NR3C1: variants seen among roughly 807,000 people sequenced by gnomAD.
NR3C1 encodes nuclear receptor subfamily 3 group C member 1.
Under a neutral mutation model 74.0 loss-of-function variants are expected in NR3C1, and 14 were observed. The ratio of observed to expected loss-of-function variants is 0.19; its 90% confidence interval spans 0.12 to 0.30. The LOEUF (loss-of-function observed/expected upper bound fraction) is 0.30. Ranked by LOEUF, NR3C1 falls within the 10% of genes least tolerant of loss-of-function variation. The pLI is 1.00. For missense variants in NR3C1, 695 were observed against 909.8 expected (o/e 0.76, Z 3.04); for synonymous variants, 308 against 332.5 (o/e 0.93, Z 0.80).
upstream of NR3C1, chr5:143,406,825 T>A (rs549983788): frequency 6.6e-6 from 1 of 152,358 alleles, no homozygotes; most frequent in South Asian, 2.1e-4. Flanking sequence ...ATAGACTACT[T>A]ACAATATGTG....
chr5:143,344,407 T>G (rs1017657313), intron 2 of NR3C1, among the ~76,000 whole-genome samples: 1 of 152,200 alleles, frequency 6.6e-6, no homozygotes, highest in African/African-American at 2.4e-5. Context: ...TTAATTCTAA[T>G]TCTTACAAAA....
intron 2 of NR3C1, among the ~76,000 whole-genome samples, chr5:143,394,757 T>C (rs1838886845): frequency 6.6e-6 from 1 of 152,028 alleles, no homozygotes; most frequent in Non-Finnish European, 1.5e-5. Flanking sequence ...GAAATTAAAT[T>C]GTAATTCTGA....
intron 2 of NR3C1, among the ~76,000 whole-genome samples, chr5:143,390,736 A>G (rs1199134835): frequency 6.6e-6 from 1 of 152,216 alleles, no homozygotes; most frequent in African/African-American, 2.4e-5. Flanking sequence ...ACAGAATTAA[A>G]CATTTTCTGT....
chr5:143,298,474 C>T (rs1258568578), intron 6 of NR3C1, among the ~76,000 whole-genome samples, 194 bp downstream of exon 6: 1 of 152,192 alleles, frequency 6.6e-6, no homozygotes, highest in Non-Finnish European at 1.5e-5. Flanking sequence ...GTAATAATGC[C>T]ACATGTACAT....
chr5:143,329,473 T>C (rs1346157278), intron 2 of NR3C1, among the ~76,000 whole-genome samples: 1 of 152,180 alleles, frequency 6.6e-6, no homozygotes, highest in East Asian at 1.9e-4. Context: ...TCAGAAATGT[T>C]AGAGAATTGG....
At chr5:143,353,857 T>C (rs147190691) in intron 2 of NR3C1, among the ~76,000 whole-genome samples, 3 of 152,338 alleles carry the variant, frequency 2.0e-5, no homozygotes, top group African/African-American at 4.8e-5. Context: ...CTAACAAGAA[T>C]GTCAGCCTGT....
intron 4 of NR3C1, among the ~76,000 whole-genome samples, chr5:143,305,321 T>C (rs1819350241): frequency 6.6e-6 from 1 of 152,132 alleles, no homozygotes; most frequent in Non-Finnish European, 1.5e-5. Context: ...GACACCACTG[T>C]GGAAAGAAGT....
chr5:143,353,511 G>A (rs139149426), intron 2 of NR3C1, among the ~76,000 whole-genome samples: 1 of 152,242 alleles, frequency 6.6e-6, no homozygotes, highest in East Asian at 1.9e-4. Context: ...CCTGATTCAT[G>A]GGCTACAAAT....
intron 1 of NR3C1, among the ~76,000 whole-genome samples, chr5:143,431,629 G>A (rs1315056021): frequency 2.6e-5 from 4 of 152,032 alleles, no homozygotes; most frequent in Non-Finnish European, 4.4e-5. Flanking sequence ...AAACCGGCAC[G>A]TTCTGCACAT....
intron 2 of NR3C1, among the ~76,000 whole-genome samples, chr5:143,386,177 A>T (rs1280457144): frequency 6.6e-6 from 1 of 152,202 alleles, no homozygotes; most frequent in African/African-American, 2.4e-5. Flanking sequence ...ACTCACTATC[A>T]TGAGAACAGC....
In NR3C1 at chr5:143,403,365, G is replaced by C. The variant is rs1322281533; in HGVS notation, c.-168C>G. ...ACAGCCGCCCCTTTCTCCATGGGTG[G>C]GGGGAGAGCCCCTATTTAAGAAAGT... is the stretch of plus-strand genomic sequence containing the variant. On this transcript the variant is annotated 5_prime_UTR_variant, in exon 1 of 9. Transcript: ENST00000394464. 2 of 985,458 alleles carry C rather than the reference G, an allele frequency of 2.0e-6. No homozygotes were observed. The highest frequency in any genetic ancestry group is 1.1e-4 in the East Asian group (1 of 8,802). 61.0% of individuals were successfully genotyped at this position (985,458 alleles called of 1,614,324 possible). A position where few individuals can be genotyped will look rare whatever the true frequency, so the allele number is the denominator to read the frequency against.
At position 143,279,669 on chromosome 5, in the gene NR3C1, A is replaced by G. The variant is rs61753506; in HGVS notation, c.*2220T>C. ...TCAAAGAAAACAAAAACATGTCCTC[A>G]TTTTATTTGGAAATAAACTCTTGTT... On this transcript the variant is annotated 3_prime_UTR_variant, in exon 9 of 9. Coordinates refer to ENST00000394464, the MANE Select transcript of NR3C1 (RefSeq NM_000176.3). The G allele has an allele frequency of 2.7e-6, 1 of 368,956 alleles. No individual in the cohort carries two copies. Among genetic ancestry groups the G allele is most frequent in the African/African-American group, 2.1e-5 (1 of 46,822 alleles). The allele number at this position is 368,956 out of a possible 1,614,324, so 22.9% of individuals were successfully genotyped here. A position where few individuals can be genotyped will look rare whatever the true frequency, so the allele number is the denominator to read the frequency against.
intron 2 of NR3C1, among the ~76,000 whole-genome samples, chr5:143,371,464 C>A (rs1228024453): frequency 6.6e-6 from 1 of 152,114 alleles, no homozygotes; most frequent in African/African-American, 2.4e-5. Flanking sequence ...TTTTTCTTTC[C>A]AGTCCTTGCT....
chr5:143,300,886 C>A lies in NR3C1; in HGVS notation c.1469-123G>T. ...AAGATGGGAGAAATATTTTATTTAG[C>A]AATTATGATAAAGTGACATGGAAAA... On this transcript the variant is annotated intron_variant, in intron 4 of 8. Transcript: ENST00000394464. This position sits in a 1 kb window ranked among gnomAD's most constrained non-coding sequence, Gnocchi z 5.2. 7 of 1,056,428 alleles carry A rather than the reference C, an allele frequency of 6.6e-6. No individual in the cohort carries two copies. The highest frequency in any genetic ancestry group is 5.2e-5 in the South Asian group (3 of 58,056). The allele number at this position is 1,056,428 out of a possible 1,614,324, so 65.4% of individuals were successfully genotyped here. A position where few individuals can be genotyped will look rare whatever the true frequency, so the allele number is the denominator to read the frequency against.
At chr5:143,345,655 A>G (rs1829154494) in intron 2 of NR3C1, among the ~76,000 whole-genome samples, 1 of 152,096 alleles carries the variant, frequency 6.6e-6, no homozygotes, top group South Asian at 2.1e-4. Context: ...GCTTCTTACA[A>G]TTTTCACTTT....
At chr5:143,303,537 TA>T (rs981153476) in intron 4 of NR3C1, among the ~76,000 whole-genome samples, 33 of 151,922 alleles carry the variant, frequency 2.2e-4, no homozygotes, top group South Asian at 1.0e-3. Flanking sequence ...AAAACTATTC[TA>T]AAAAAGCAAT....
chr5:143,403,103 GCT>G, intron 1 of NR3C1, 106 bp downstream of exon 1: 4 of 931,560 alleles, frequency 4.3e-6, no homozygotes, highest in Non-Finnish European at 5.1e-6. Context: ...ACTCCCCGAG[GCT>G]AATAAAAGTT....
At chr5:143,418,336 G>GT (rs570218218) in intron 1 of NR3C1, among the ~76,000 whole-genome samples, 174 of 152,286 alleles carry the variant, frequency 1.1e-3, no homozygotes, top group Non-Finnish European at 2.3e-3. Context: ...CTGGGTTTTG[G>GT]TTTTGGCTTT....
At chr5:143,364,196 C>T (rs1600283906) in intron 2 of NR3C1, among the ~76,000 whole-genome samples, 2 of 152,280 alleles carry the variant, frequency 1.3e-5, no homozygotes, top group South Asian at 4.1e-4. Flanking sequence ...ACAGTTGATT[C>T]CTTATCAGAA....
Sources: allele counts gnomAD v4.1 joint callset (sites outside exome capture counted in the v4.1 genomes callset), GRCh38; gene constraint gnomAD v4.1.1; non-coding constraint Gnocchi (gnomAD v3.1); transcripts MANE v1.5; gene names NCBI Gene and HGNC (gene_info 2026-07-23, HGNC 2026-07-21).